Variants in UGT1A8 observed in about 807,000 individuals in gnomAD.
UGT1A8 encodes the protein UDP glucuronosyltransferase family 1 member A8, also known as UDP-glucuronosyltransferase 1A8.
Under a neutral mutation model 45.3 loss-of-function variants are expected in UGT1A8, and 39 were observed. The observed-to-expected ratio is 0.86, with a 90% CI of 0.67 to 1.12. The LOEUF (loss-of-function observed/expected upper bound fraction) is 1.12, where lower values mean the gene tolerates loss of function less well. Ranked by LOEUF, UGT1A8 falls within the 50% of genes most tolerant of loss-of-function variation. The probability of loss-of-function intolerance (pLI) is 0.00; values close to 1 mark genes in which losing one functional copy is unlikely to be tolerated. For missense variants in UGT1A8, 719 were observed against 664.9 expected (o/e 1.08, Z -0.90); for synonymous variants, 275 against 249.2 (o/e 1.10, Z -0.97).
At chr2:233,625,174 TAAC>T (rs1289813294) in intron 1 of UGT1A8, among the ~76,000 whole-genome samples, 2 of 151,942 alleles carry the variant, frequency 1.3e-5, no homozygotes, top group African/African-American at 4.8e-5. Context: ...TTTAAAAACA[TAAC>T]ATATGAAAAA....
intron 1 of UGT1A8, chr2:233,755,543 A>C (rs1450453289): frequency 6.3e-6 from 1 of 158,400 alleles, no homozygotes; most frequent in African/African-American, 2.4e-5. Flanking sequence ...CATGGTCTCC[A>C]AAAAGGATGG....
In UGT1A8 at chr2:233,760,681, C is replaced by T. The variant is rs769242961; in HGVS notation, c.856-6353C>T. 2 of 1,614,246 alleles carry T rather than the reference C, an allele frequency of 1.2e-6. No homozygotes were observed. The highest frequency in any genetic ancestry group is 1.7e-6 in the Non-Finnish European group (2 of 1,180,048). Reference sequence around the variant, plus strand: ...TTTGTCTGGCTGTTCCCACTTACTGCACAACAAGGAGCTCATGGCCTCCCT... The same window carrying T: ...TTTGTCTGGCTGTTCCCACTTACTGTACAACAAGGAGCTCATGGCCTCCCT... On this transcript the variant is annotated intron_variant, in intron 1 of 4. Coordinates refer to ENST00000373450, the MANE Select transcript of UGT1A8 (RefSeq NM_019076.5).
intron 1 of UGT1A8, among the ~76,000 whole-genome samples, chr2:233,695,947 AC>A (rs1335972362): frequency 1.3e-5 from 2 of 152,068 alleles, no homozygotes; most frequent in Non-Finnish European, 2.9e-5. Flanking sequence ...TCTGCCAGAT[AC>A]CAGCTGGGTG....
chr2:233,739,478 C>G (rs945148386), intron 1 of UGT1A8, among the ~76,000 whole-genome samples: 1 of 152,180 alleles, frequency 6.6e-6, no homozygotes, highest in African/African-American at 2.4e-5. Flanking sequence ...ACCGTGGGAG[C>G]CCATTTCTGG....
intron 1 of UGT1A8, among the ~76,000 whole-genome samples, chr2:233,736,317 G>T (rs2078750401): frequency 6.6e-6 from 1 of 152,044 alleles, no homozygotes; most frequent in African/African-American, 2.4e-5. Flanking sequence ...ATTGAATTTT[G>T]TGCATGTGTT....
chr2:233,669,616 G>A (rs2074141141), intron 1 of UGT1A8, among the ~76,000 whole-genome samples: 1 of 152,128 alleles, frequency 6.6e-6, no homozygotes, highest in Non-Finnish European at 1.5e-5. Flanking sequence ...GACCCTTGAA[G>A]AATGTGAGGA....
chr2:233,735,459 T>C (rs1405136849), intron 1 of UGT1A8, among the ~76,000 whole-genome samples: 1 of 152,220 alleles, frequency 6.6e-6, no homozygotes, highest in African/African-American at 2.4e-5. Context: ...CTTGACTCTT[T>C]ATCCAATTTG....
At chr2:233,736,414 AC>A (rs1363284987) in intron 1 of UGT1A8, among the ~76,000 whole-genome samples, 6 of 152,024 alleles carry the variant, frequency 3.9e-5, no homozygotes, top group Non-Finnish European at 5.9e-5. Flanking sequence ...CATTCATCTA[AC>A]CTTTTTTCAA....
At position 233,671,414 on chromosome 2, in the gene UGT1A8, T is replaced by C. The variant is rs45440791; in HGVS notation, c.855+52852T>C. The stretch of plus-strand genomic sequence containing the variant: ...GGAAGAAGAGAAGCAGCAATATGTA[T>C]GCATTGCAGAGACACAGGCGAGCCC... On this transcript the variant is annotated intron_variant, in intron 1 of 4. Coordinates refer to ENST00000373450, the MANE Select transcript of UGT1A8 (RefSeq NM_019076.5). Among the ~76,000 whole-genome samples, 1,057 of 152,306 alleles carry C rather than the reference T, an allele frequency of 6.9e-3. 28 individuals carry two copies. The highest frequency in any genetic ancestry group is 0.057 in the Admixed American group (870 of 15,298).
At chr2:233,768,006 T>C in intron 3 of UGT1A8, 70 bp downstream of exon 3, 1 of 1,614,080 alleles carries the variant, frequency 6.2e-7, no homozygotes, top group South Asian at 1.1e-5. Context: ...AGCACAGCTA[T>C]TCTAAAGGAT....
intron 1 of UGT1A8, among the ~76,000 whole-genome samples, chr2:233,637,783 A>G (rs951712755): frequency 2.0e-5 from 3 of 152,152 alleles, no homozygotes; most frequent in Non-Finnish European, 2.9e-5. Flanking sequence ...AAGTTCCCAT[A>G]CCTATTTAGT....
rs1028385252 is a variant in UGT1A8 at position 233,772,759 on chromosome 2, C to T, written c.*200C>T. On this transcript the variant is annotated 3_prime_UTR_variant, in exon 5 of 5. Transcript: ENST00000373450. ...TCAGTAAAGATATTTGAATATGTAT[C>T]GTGCCCCCTCTGGTGTCTTTGATCA... is the stretch of plus-strand genomic sequence containing the variant. 2.3e-5 allele frequency: 32 copies of T among 1,393,958 alleles called. No individual in the cohort carries two copies. In the Admixed American group the frequency reaches 4.6e-4, roughly 20 times the overall value. The allele number at this position is 1,393,958 out of a possible 1,614,324, so 86.3% of individuals were successfully genotyped here. A position where few individuals can be genotyped will look rare whatever the true frequency, so the allele number is the denominator to read the frequency against.
intron 1 of UGT1A8, among the ~76,000 whole-genome samples, chr2:233,678,058 T>C (rs2074407425): frequency 6.6e-6 from 1 of 152,162 alleles, no homozygotes; most frequent in Admixed American, 6.5e-5. Context: ...TAAGGGAATA[T>C]ATACAGGCAC....
At chr2:233,718,271 A>C (rs1315194917) in intron 1 of UGT1A8, among the ~76,000 whole-genome samples, 1 of 152,228 alleles carries the variant, frequency 6.6e-6, no homozygotes, top group Non-Finnish European at 1.5e-5. Flanking sequence ...GTGTGAAAAA[A>C]GACCAAAACC....
At chr2:233,743,990 C>G (rs541433916) in intron 1 of UGT1A8, 2 of 1,267,322 alleles carry the variant, frequency 1.6e-6, no homozygotes, top group South Asian at 2.6e-5. Context: ...GGCGCAGGCC[C>G]GAGTGCTCGG....
At position 233,747,357 on chromosome 2, in the gene UGT1A8, C is replaced by T. The variant is rs115834808; in HGVS notation, c.856-19677C>T. On this transcript the variant is annotated intron_variant, in intron 1 of 4. Coordinates refer to ENST00000373450, the MANE Select transcript of UGT1A8 (RefSeq NM_019076.5). ...ACTGGCTCGCATGCGGGAGGCCGTG[C>T]GGGAGCTCCATGCCAGAGGCCACCA... 7.9e-3 allele frequency: 12,675 copies of T among 1,602,394 alleles called. 83 individuals are homozygous for T. The highest frequency in any genetic ancestry group is 9.8e-3 in the Non-Finnish European group (11,526 of 1,171,410).
At chr2:233,689,303 A>G (rs1203200538) in intron 1 of UGT1A8, among the ~76,000 whole-genome samples, 3 of 151,440 alleles carry the variant, frequency 2.0e-5, no homozygotes, top group Non-Finnish European at 4.4e-5. Context: ...CACCCAGCAC[A>G]GTAAGACCAA....
At chr2:233,744,136 G>C (rs1692703742) in intron 1 of UGT1A8, 1 of 352,210 alleles carries the variant, frequency 2.8e-6, no homozygotes, top group East Asian at 7.7e-5. Flanking sequence ...GTGAGGCCCT[G>C]TGATGCTCCA....
chr2:233,672,062 C>A, intron 1 of UGT1A8: 2 of 1,614,014 alleles, frequency 1.2e-6, no homozygotes, highest in Non-Finnish European at 1.7e-6. Flanking sequence ...ACCATGAGGT[C>A]GGTGGTGGAG....
Sources: allele counts gnomAD v4.1 joint callset (sites outside exome capture counted in the v4.1 genomes callset), GRCh38; gene constraint gnomAD v4.1.1; transcripts MANE v1.5; gene names NCBI Gene and HGNC (gene_info 2026-07-23, HGNC 2026-07-21).